Variants in DPF2 observed in about 807,000 individuals in gnomAD.
The protein encoded by DPF2 is double PHD fingers 2.
DPF2 carries 10 observed loss-of-function variants against 59.6 expected under a neutral mutation model. That is an observed-to-expected ratio of 0.17 (90% CI 0.10 to 0.28). The LOEUF (loss-of-function observed/expected upper bound fraction) is 0.28. Ranked by LOEUF, DPF2 falls within the 10% of genes least tolerant of loss-of-function variation. DPF2 has a pLI of 1.00. For synonymous variants in DPF2, 189 were observed against 190.6 expected (o/e 0.99, Z 0.07); for missense variants, 315 against 509.4 (o/e 0.62, Z 3.67).
At chr11:65,337,474 A>ATAT (rs1443734766) in intron 1 of DPF2, among the ~76,000 whole-genome samples, 2 of 46,474 alleles carry the variant, frequency 4.3e-5, no homozygotes, top group Admixed American at 3.1e-4. Flanking sequence ...AAAAAAAAAA[A>ATAT]ATATATATAT....
chr11:65,352,738 C>G lies in DPF2; in HGVS notation c.*979C>G, dbSNP rs916721415. 2.0e-5 allele frequency: 3 copies of G among 152,640 alleles called. No individual in the cohort carries two copies. Among genetic ancestry groups the G allele is most frequent in the African/African-American group, 7.2e-5 (3 of 41,434 alleles). The allele number at this position is 152,640 out of a possible 1,614,324, so 9.5% of individuals were successfully genotyped here. A position where few individuals can be genotyped will look rare whatever the true frequency, so the allele number is the denominator to read the frequency against. On this transcript the variant is annotated 3_prime_UTR_variant, in exon 11 of 11. Transcript: ENST00000528416. ...GAAGCCACATAGACATCCCTTTCTT[C>G]CCTTGCACGCTCGCTAGCAGCTGGT...
intron 6 of DPF2, chr11:65,344,836 T>G: frequency 1.7e-6 from 1 of 591,072 alleles, no homozygotes; most frequent in Non-Finnish European, 3.0e-6. Context: ...CTCCTAGAGC[T>G]GCTCGGCCCA....
intron 3 of DPF2, 92 bp downstream of exon 3, chr11:65,341,165 C>A: frequency 1.5e-6 from 2 of 1,349,214 alleles, no homozygotes; most frequent in Non-Finnish European, 2.1e-6. Context: ...TACTAGATCC[C>A]AAATATACTC....
intron 10 of DPF2, among the ~76,000 whole-genome samples, chr11:65,349,958 T>C (rs958475026): frequency 6.6e-6 from 1 of 152,194 alleles, no homozygotes; most frequent in African/African-American, 2.4e-5. Flanking sequence ...GTCAAACTGC[T>C]GTCACCCCTC....
Position 65,336,779 on chromosome 11 carries a change from C to T in DPF2, c.32+2861C>T, listed in dbSNP as rs543823429. On this transcript the variant is annotated intron_variant, in intron 1 of 10. Coordinates refer to ENST00000528416, the MANE Select transcript of DPF2 (RefSeq NM_006268.5). ...ACTCCAGCCTGGCAACAGCAAGACT[C>T]CATCTCAAAAAAAAAAAAAAAAAAA... Among the ~76,000 whole-genome samples, 14 of 122,816 alleles carry T rather than the reference C, an allele frequency of 1.1e-4. No individual in the cohort carries two copies. The East Asian group carries it at 3.3e-3, about 29-fold the overall frequency. 80.6% of individuals were successfully genotyped at this position (122,816 alleles called of 152,430 possible).
At chr11:65,337,475 ATATATATAT>A (rs1391427269) in intron 1 of DPF2, among the ~76,000 whole-genome samples, 36 of 31,088 alleles carry the variant, frequency 1.2e-3, no homozygotes, top group African/African-American at 1.9e-3. Context: ...AAAAAAAAAA[ATATATATAT>A]ATATATATAT....
At chr11:65,346,463 C>G in intron 9 of DPF2, 104 bp downstream of exon 9, 1 of 1,018,202 alleles carries the variant, frequency 9.8e-7, no homozygotes. Context: ...GGAGCAGGAT[C>G]CCTCCCACAT....
chr11:65,336,024 G>A (rs926680392), intron 1 of DPF2, among the ~76,000 whole-genome samples: 1 of 151,450 alleles, frequency 6.6e-6, no homozygotes, highest in African/African-American at 2.4e-5. Flanking sequence ...ATGTTGGCCA[G>A]GCTGGTCTTG....
At chr11:65,346,142 C>A (rs1301934821) in intron 8 of DPF2, 84 bp downstream of exon 8, 2 of 1,598,152 alleles carry the variant, frequency 1.3e-6, no homozygotes, top group Non-Finnish European at 1.7e-6. Flanking sequence ...TCATAACCAG[C>A]CCACCTCGCT....
chr11:65,338,718 C>G (rs1276481739), intron 1 of DPF2, among the ~76,000 whole-genome samples: 1 of 152,162 alleles, frequency 6.6e-6, no homozygotes, highest in Non-Finnish European at 1.5e-5. Context: ...ATTGCCGTCT[C>G]TGTGTGTCGT....
intron 1 of DPF2, 136 bp downstream of exon 1, chr11:65,334,054 G>A: frequency 7.9e-7 from 1 of 1,263,226 alleles, no homozygotes; most frequent in Non-Finnish European, 1.1e-6. Context: ...GGTGGGGAGG[G>A]CAACAGGAGA....
chr11:65,351,072 A>G (rs1365047007), intron 10 of DPF2, among the ~76,000 whole-genome samples: 1 of 152,054 alleles, frequency 6.6e-6, no homozygotes, highest in Non-Finnish European at 1.5e-5. Context: ...CTGGCTCTTT[A>G]CAGAAAACTT....
At chr11:65,337,500 TATATAGAGAGAGAGAGAGAG>T (rs1229166065) in intron 1 of DPF2, among the ~76,000 whole-genome samples, 7 of 40,268 alleles carry the variant, frequency 1.7e-4, no homozygotes, top group African/African-American at 4.1e-4. Context: ...TATATATATA[TATATAGAGAGAGAGAGAGAG>T]AGAGAGAGAG....
chr11:65,350,337 G>C (rs60933608), intron 10 of DPF2, among the ~76,000 whole-genome samples: 15,519 of 142,958 alleles, frequency 0.11, 1,454 homozygotes, highest in African/African-American at 0.27. Flanking sequence ...AAGCTGTTTT[G>C]TTTTCTTTTC....
At chr11:65,340,927 T>C in intron 2 of DPF2, 39 bp from the exon 3 acceptor site, 1 of 1,595,708 alleles carries the variant, frequency 6.3e-7, no homozygotes, top group Non-Finnish European at 8.6e-7. Flanking sequence ...TTTCTAATAC[T>C]GGGTTAGGGC....
intron 1 of DPF2, among the ~76,000 whole-genome samples, chr11:65,337,492 TATATATATATATAGAG>T (rs1198766808): frequency 8.9e-4 from 60 of 67,396 alleles, no homozygotes; most frequent in East Asian, 8.4e-3. Context: ...TATATATATA[TATATATATATATAGAG>T]AGAGAGAGAG....
Position 65,341,471 on chromosome 11 carries a change from C to G in DPF2, c.374C>G (p.Thr125Ser). The change falls in exon 4 of 11, where the codon ACT (threonine) becomes AGT (serine). Residue 125 changes from threonine (T) to serine (S), a missense_variant. Coordinates refer to ENST00000528416, the MANE Select transcript of DPF2 (RefSeq NM_006268.5). ...AGTAGTTTAGAGGCTCTGTTGCGCA[C>G]TGACCCCCTGGAGAAGCGAGGTGCC... is the stretch of plus-strand genomic sequence containing the variant. ...DGSSLEALLR[T>S]DPLEKRGAPD... The G allele has an allele frequency of 6.2e-7, 1 of 1,614,252 alleles. No homozygotes were observed. The highest frequency in any genetic ancestry group is 8.5e-7 in the Non-Finnish European group (1 of 1,180,048).
At chr11:65,350,740 A>T (rs965533155) in intron 10 of DPF2, among the ~76,000 whole-genome samples, 1 of 150,070 alleles carries the variant, frequency 6.7e-6, no homozygotes, top group African/African-American at 2.4e-5. Context: ...CGCATCTGTA[A>T]TCCCAGCACT....
intron 6 of DPF2, 115 bp from the exon 7 acceptor site, chr11:65,345,551 C>G: frequency 6.9e-7 from 1 of 1,449,316 alleles, no homozygotes; most frequent in South Asian, 1.3e-5. Context: ...AGTGGAGCTG[C>G]TAGGGGAAGG....
Sources: gnomAD v4.1 joint callset for allele counts (sites outside exome capture counted in the v4.1 genomes callset) on GRCh38, gnomAD v4.1.1 for gene constraint, MANE v1.5 for transcripts, NCBI Gene and HGNC (gene_info 2026-07-23, HGNC 2026-07-21) for gene names.